The following KIAA0825 variants were observed in gnomAD, a reference collection of about 807,000 sequenced individuals.
The protein encoded by KIAA0825 is uncharacterized protein KIAA0825.
Under a neutral mutation model 147.6 loss-of-function variants are expected in KIAA0825, and 119 were observed. The ratio of observed to expected loss-of-function variants is 0.81; its 90% CI spans 0.69 to 0.94. KIAA0825 has a LOEUF of 0.94. KIAA0825 is among the 40% of genes least tolerant of loss of function. The probability of loss-of-function intolerance (pLI) is 0.00; values close to 1 mark genes in which losing one functional copy is unlikely to be tolerated. For synonymous variants in KIAA0825, 470 were observed against 518.1 expected, an observed-to-expected ratio of 0.91 and a Z score of 1.26; for missense variants, 1,381 against 1,472.7, an observed-to-expected ratio of 0.94 and a Z score of 1.02.
At chr5:94,177,006 C>T (rs1769165820) in intron 20 of KIAA0825, among the ~76,000 whole-genome samples, 2 of 152,014 alleles carry the variant, frequency 1.3e-5, no homozygotes, top group Non-Finnish European at 2.9e-5. Flanking sequence ...ACAGTATCCC[C>T]ACCCCGAGCA....
At chr5:94,292,527 TTTA>T (rs1484654696) in intron 20 of KIAA0825, among the ~76,000 whole-genome samples, 2 of 152,126 alleles carry the variant, frequency 1.3e-5, no homozygotes, top group Non-Finnish European at 2.9e-5. Flanking sequence ...TATTGAGGAT[TTTA>T]TTGAGGATTT....
chr5:94,404,053 C>A (rs1158916500), intron 15 of KIAA0825, among the ~76,000 whole-genome samples: 1 of 152,150 alleles, frequency 6.6e-6, no homozygotes, highest in Non-Finnish European at 1.5e-5. Flanking sequence ...CTGGTGAGAA[C>A]ATAAATTGTA....
chr5:94,330,612 A>T (rs1230105190), intron 20 of KIAA0825, among the ~76,000 whole-genome samples: 1 of 152,198 alleles, frequency 6.6e-6, no homozygotes, highest in Non-Finnish European at 1.5e-5. Context: ...GAAAAGAGAA[A>T]AGATCTCAAA....
At chr5:94,360,815 T>C (rs1421823188) in intron 20 of KIAA0825, among the ~76,000 whole-genome samples, 1 of 152,238 alleles carries the variant, frequency 6.6e-6, no homozygotes, top group Non-Finnish European at 1.5e-5. Flanking sequence ...GCTCTTCCTA[T>C]GGACTAGCTA....
chr5:94,237,250 G>C (rs1775098879), intron 20 of KIAA0825, among the ~76,000 whole-genome samples: 1 of 152,112 alleles, frequency 6.6e-6, no homozygotes. Context: ...GAAAAATCTT[G>C]CAGGATTTTT....
Position 94,570,363 on chromosome 5 carries a change from T to C in KIAA0825, c.-2+12070A>G, listed in dbSNP as rs116885296. 301 of 154,300 alleles carry C rather than the reference T, an allele frequency of 2.0e-3. 10 individuals are homozygous for C. The East Asian group carries it at 0.055, about 28-fold the overall frequency. The allele number at this position is 154,300 out of a possible 1,614,324, so 9.6% of individuals were successfully genotyped here. A position where few individuals can be genotyped will look rare whatever the true frequency, so the allele number is the denominator to read the frequency against. On this transcript the variant is annotated intron_variant, in intron 2 of 20. Transcript: ENST00000682413. ...CACATCAAACCCGAATGATATTTCC[T>C]ATTCGCCTACGCAATTCTCCGATCC... is the stretch of plus-strand genomic sequence containing the variant.
intron 20 of KIAA0825, among the ~76,000 whole-genome samples, chr5:94,169,085 C>A (rs1329850330): frequency 6.6e-6 from 1 of 152,154 alleles, no homozygotes; most frequent in Non-Finnish European, 1.5e-5. Context: ...TTAGACAACA[C>A]AGTTGTCACA....
chr5:94,519,658 T>C (rs1476003812), intron 5 of KIAA0825: 20 of 642,046 alleles, frequency 3.1e-5, no homozygotes, highest in Non-Finnish European at 3.9e-5. Context: ...TTTATAATTA[T>C]AGTATTTCAT....
rs1427973032 is a variant in KIAA0825 at position 94,345,012 on chromosome 5, A to G, written c.3710+39356T>C. Among the ~76,000 whole-genome samples the G allele has an allele frequency of 2.6e-5, 4 of 152,158 alleles. No individual in the cohort carries two copies. The East Asian group carries it at 7.7e-4, about 29-fold the overall frequency. ...GTAGTGATTATACAACAATGTGAAT[A>G]TACTTAATGCTGCTGAACTATACAG... On this transcript the variant is annotated intron_variant, in intron 20 of 20. Transcript: ENST00000682413.
At position 94,384,584 on chromosome 5, in the gene KIAA0825, A is replaced by G. The variant is rs1584331382; in HGVS notation, c.3620-126T>C. 4.5e-6 allele frequency: 3 copies of G among 663,558 alleles called. No homozygotes were observed. The East Asian group carries it at 8.4e-5, about 19-fold the overall frequency. 41.1% of individuals were successfully genotyped at this position (663,558 alleles called of 1,614,324 possible). On this transcript the variant is annotated intron_variant, in intron 19 of 20. Coordinates refer to ENST00000682413, the MANE Select transcript of KIAA0825 (RefSeq NM_001145678.3). Reference sequence around the variant, plus strand: ...AGGGGGGTCCAGAACAAGGACTTAGACAGATAACATCAATCATGTCCACAG... The same window carrying G: ...AGGGGGGTCCAGAACAAGGACTTAGGCAGATAACATCAATCATGTCCACAG...
intron 20 of KIAA0825, among the ~76,000 whole-genome samples, chr5:94,248,378 T>C (rs1445781573): frequency 7.9e-5 from 12 of 152,130 alleles, no homozygotes; most frequent in Admixed American, 7.9e-4. Context: ...CCAGATTCTG[T>C]CACAGGACCC....
intron 1 of KIAA0825, among the ~76,000 whole-genome samples, chr5:94,617,036 T>TGGAAAATCAC (rs1790707233): frequency 1.3e-5 from 2 of 152,248 alleles, no homozygotes; most frequent in Admixed American, 1.3e-4. Context: ...GGTCTCAGTA[T>TGGAAAATCAC]AAAATGTTTT....
chr5:94,376,595 G>A (rs1747611174), intron 20 of KIAA0825, among the ~76,000 whole-genome samples: 2 of 152,066 alleles, frequency 1.3e-5, no homozygotes, highest in Non-Finnish European at 2.9e-5. Flanking sequence ...ATACATGTTA[G>A]ATAATCTCTG....
intron 20 of KIAA0825, among the ~76,000 whole-genome samples, chr5:94,310,076 T>TCTTTAATTAA (rs1779022801): frequency 6.6e-6 from 1 of 151,732 alleles, no homozygotes; most frequent in Non-Finnish European, 1.5e-5. Flanking sequence ...GACTAAAAAG[T>TCTTTAATTAA]GCTATAAAAA....
chr5:94,468,587 A>C (rs1275057866), intron 10 of KIAA0825, among the ~76,000 whole-genome samples: 1 of 152,180 alleles, frequency 6.6e-6, no homozygotes, highest in African/African-American at 2.4e-5. Context: ...GCTCTTGCAA[A>C]AAGAAAAACT....
intron 20 of KIAA0825, among the ~76,000 whole-genome samples, chr5:94,227,905 G>T (rs1355380368): frequency 6.6e-6 from 1 of 151,830 alleles, no homozygotes; most frequent in East Asian, 1.9e-4. Flanking sequence ...CATGGCACAT[G>T]TATACCTGTG....
At chr5:94,259,744 G>GT (rs571826947) in intron 20 of KIAA0825, among the ~76,000 whole-genome samples, 151 of 152,006 alleles carry the variant, frequency 9.9e-4, no homozygotes, top group Non-Finnish European at 1.7e-3. Flanking sequence ...ATTTTTAATA[G>GT]TTTTTTGGTG....
chr5:94,502,691 G>T (rs1459809808), intron 5 of KIAA0825, among the ~76,000 whole-genome samples: 1 of 152,070 alleles, frequency 6.6e-6, no homozygotes, highest in Non-Finnish European at 1.5e-5. Flanking sequence ...ATAATAAAAA[G>T]ATTTCTAACA....
chr5:94,574,850 C>A (rs1484407471), intron 2 of KIAA0825, among the ~76,000 whole-genome samples: 2 of 152,098 alleles, frequency 1.3e-5, no homozygotes, highest in Admixed American at 1.3e-4. Flanking sequence ...CTCAGCCTCA[C>A]AAATAGCTAG....
Sources: allele counts gnomAD v4.1 joint callset (sites outside exome capture counted in the v4.1 genomes callset), GRCh38; gene constraint gnomAD v4.1.1; transcripts MANE v1.5; gene names NCBI Gene and HGNC (gene_info 2026-07-23, HGNC 2026-07-21).